ARL9: variants seen among roughly 807,000 people sequenced by gnomAD.
ARL9 encodes ARF like GTPase 9, also known as ADP-ribosylation factor-like protein 9.
In ARL9, 14 loss-of-function variants were observed where a neutral mutation model predicts 27.0. The observed-to-expected ratio is 0.52, with a 90% CI of 0.34 to 0.81. The LOEUF (loss-of-function observed/expected upper bound fraction) is 0.81. ARL9 is among the 30% of genes least tolerant of loss of function. ARL9 has a pLI of 0.01. For missense variants in ARL9, 294 were observed against 290.0 expected, an observed-to-expected ratio of 1.01 and a Z score of -0.10; for synonymous variants, 106 against 108.7, an observed-to-expected ratio of 0.98 and a Z score of 0.15.
intron 2 of ARL9, among the ~76,000 whole-genome samples, chr4:56,515,607 C>A (rs1721746933): frequency 2.0e-5 from 3 of 152,040 alleles, no homozygotes; most frequent in Admixed American, 6.6e-5. Context: ...CAAAGAAAGC[C>A]TAAAACACCC....
chr4:56,510,346 C>T (rs1244268058), intron 1 of ARL9, among the ~76,000 whole-genome samples: 1 of 135,468 alleles, frequency 7.4e-6, no homozygotes, highest in Non-Finnish European at 1.6e-5. Context: ...CAGAGCAAGA[C>T]TCCAACTCAA....
In ARL9 at chr4:56,524,059, G is replaced by A; in HGVS notation, c.*183G>A. 4.3e-6 allele frequency: 2 copies of A among 467,528 alleles called. No individual in the cohort carries two copies. The highest frequency in any genetic ancestry group is 7.3e-6 in the Non-Finnish European group (2 of 273,310). 29.0% of individuals were successfully genotyped at this position (467,528 alleles called of 1,614,324 possible). ...CCACATCTGGGGATTCAAGAACTGT[G>A]GATCCAAAACATTCAAAAAGTAAAC... On this transcript the variant is annotated 3_prime_UTR_variant, in exon 4 of 4. Coordinates refer to ENST00000640821, the MANE Select transcript of ARL9 (RefSeq NM_001363794.2).
intron 2 of ARL9, among the ~76,000 whole-genome samples, chr4:56,513,538 G>A (rs910108437): frequency 1.3e-5 from 2 of 152,026 alleles, no homozygotes; most frequent in African/African-American, 2.4e-5. Context: ...TTAAAGCATC[G>A]AAGAACTTGC....
chr4:56,509,557 C>T (rs987494650), intron 1 of ARL9, among the ~76,000 whole-genome samples: 6 of 149,924 alleles, frequency 4.0e-5, no homozygotes, highest in Non-Finnish European at 5.9e-5. Flanking sequence ...TTTTTTGAGA[C>T]GTTGTCTTGC....
chr4:56,506,199 C>T (rs1195397264), intron 1 of ARL9, 58 bp downstream of exon 1: 1 of 1,231,658 alleles, frequency 8.1e-7, no homozygotes, highest in African/African-American at 1.6e-5. Context: ...CCGTTCAGAC[C>T]CCAGCGCTGT....
chr4:56,511,432 GT>G, intron 2 of ARL9, 85 bp downstream of exon 2: 3 of 1,360,914 alleles, frequency 2.2e-6, no homozygotes, highest in Non-Finnish European at 3.0e-6. Flanking sequence ...TTGAGTCCTT[GT>G]GAAAACTAAC....
chr4:56,520,397 C>A (rs1321952625), intron 3 of ARL9, among the ~76,000 whole-genome samples: 1 of 152,072 alleles, frequency 6.6e-6, no homozygotes, highest in Admixed American at 6.6e-5. Context: ...AGTGAATAAG[C>A]CAGTCACAAA....
intron 3 of ARL9, among the ~76,000 whole-genome samples, chr4:56,523,245 G>T (rs575158068): frequency 1.1e-4 from 16 of 152,174 alleles, no homozygotes; most frequent in African/African-American, 3.6e-4. Context: ...AAAAATGAGT[G>T]GGGCGTGGTG....
intron 2 of ARL9, among the ~76,000 whole-genome samples, chr4:56,517,963 C>A (rs1322073004): frequency 6.6e-6 from 1 of 152,096 alleles, no homozygotes; most frequent in Non-Finnish European, 1.5e-5. Context: ...ACCATCCTTT[C>A]CATTCTTAAT....
intron 3 of ARL9, among the ~76,000 whole-genome samples, chr4:56,519,532 C>A (rs1452671407): frequency 6.6e-6 from 1 of 151,996 alleles, no homozygotes; most frequent in African/African-American, 2.4e-5. Flanking sequence ...ATGGCGTGAA[C>A]CTGGGAGGCG....
chr4:56,518,908 G>C (rs990641402), intron 3 of ARL9, 55 bp downstream of exon 3: 22 of 1,499,990 alleles, frequency 1.5e-5, no homozygotes, highest in Non-Finnish European at 2.0e-5. Context: ...TACAAGAAAT[G>C]TATACTTTTA....
At chr4:56,522,370 G>A (rs540795820) in intron 3 of ARL9, among the ~76,000 whole-genome samples, 3 of 151,526 alleles carry the variant, frequency 2.0e-5, no homozygotes, top group African/African-American at 4.8e-5. Flanking sequence ...GCAGTGAGCC[G>A]AGATTGCACC....
chr4:56,518,674 G>C lies in ARL9; in HGVS notation c.443-4G>C. 2 of 1,611,124 alleles carry C rather than the reference G, an allele frequency of 1.2e-6. No individual in the cohort carries two copies. The highest frequency in any genetic ancestry group is 1.7e-6 in the Non-Finnish European group (2 of 1,178,008). Reference sequence around the variant, plus strand: ...GTGTCTTCTTCCTCTACTATTCTCTGTAGTTGGTGGCAGTAAACCTTTTCG... The same window carrying C: ...GTGTCTTCTTCCTCTACTATTCTCTCTAGTTGGTGGCAGTAAACCTTTTCG... On this transcript the variant is annotated splice_polypyrimidine_tract_variant and splice_region_variant and intron_variant, in intron 2 of 3. Transcript: ENST00000640821.
At position 56,523,870 on chromosome 4, in the gene ARL9, G is replaced by T; in HGVS notation, c.792G>T (p.Val264=). 1 of 1,613,314 alleles carries T rather than the reference G, an allele frequency of 6.2e-7. No homozygotes were observed. Among genetic ancestry groups the T allele is most frequent in the South Asian group, 1.1e-5 (1 of 90,974 alleles). Residue 264 remains valine (V), a synonymous_variant, in exon 4 of 4, where the codon GTG becomes GTT. Transcript: ENST00000640821. ...TGATTGCACAGCTGGCTGCAGATGT[G>T]CAGTGACCAGGACTCAGCCCACTGT... ...KDLIAQLAAD[V]Q
intron 3 of ARL9, among the ~76,000 whole-genome samples, chr4:56,519,065 A>G (rs1721846034): frequency 6.6e-6 from 1 of 152,164 alleles, no homozygotes; most frequent in Non-Finnish European, 1.5e-5. Flanking sequence ...GCATGCTAGG[A>G]ATTCAACAGA....
At chr4:56,520,808 T>C (rs1721896566) in intron 3 of ARL9, among the ~76,000 whole-genome samples, 1 of 152,168 alleles carries the variant, frequency 6.6e-6, no homozygotes, top group Non-Finnish European at 1.5e-5. Context: ...TGGGTGAACG[T>C]ATATGGAAGT....
chr4:56,506,919 T>A (rs1721483436), intron 1 of ARL9, among the ~76,000 whole-genome samples: 1 of 151,174 alleles, frequency 6.6e-6, no homozygotes, highest in African/African-American at 2.4e-5. Flanking sequence ...TCTCCCAACC[T>A]CAGTGACTGG....
chr4:56,506,254 C>A, intron 1 of ARL9, 113 bp downstream of exon 1: 1 of 1,054,362 alleles, frequency 9.5e-7, no homozygotes, highest in Non-Finnish European at 1.2e-6. Context: ...GCGAATGGAT[C>A]TCAACTGAGG....
At chr4:56,508,986 T>A (rs894836815) in intron 1 of ARL9, among the ~76,000 whole-genome samples, 1 of 152,178 alleles carries the variant, frequency 6.6e-6, no homozygotes, top group African/African-American at 2.4e-5. Flanking sequence ...ACTTCTTTAG[T>A]AGGATCTTTG....
Sources: allele counts gnomAD v4.1 joint callset (sites outside exome capture counted in the v4.1 genomes callset), GRCh38; gene constraint gnomAD v4.1.1; transcripts MANE v1.5; gene names NCBI Gene and HGNC (gene_info 2026-07-23, HGNC 2026-07-21).